The following MEGF6 variants were observed in gnomAD, a reference collection of about 807,000 sequenced individuals.
MEGF6 encodes the protein multiple epidermal growth factor-like domains protein 6.
A neutral mutation model predicts 207.1 loss-of-function variants in MEGF6; 184 were observed. That is an observed-to-expected ratio of 0.89 (90% CI 0.79 to 1.00). MEGF6 has a LOEUF of 1.00. MEGF6 is among the 50% of genes least tolerant of loss of function. The pLI, the probability that MEGF6 is intolerant of heterozygous loss-of-function variation, is 0.00. For missense variants in MEGF6, 2,282 were observed against 2,202.9 expected, an observed-to-expected ratio of 1.04 and a Z score of -0.72; for synonymous variants, 1,038 against 910.0, an observed-to-expected ratio of 1.14 and a Z score of -2.53.
intron 4 of MEGF6, among the ~76,000 whole-genome samples, chr1:3,570,394 A>G (rs1304325531): frequency 6.6e-6 from 1 of 152,196 alleles, no homozygotes; most frequent in Non-Finnish European, 1.5e-5. Flanking sequence ...CCAGGGACTC[A>G]GTGCAGTTAA....
intron 1 of MEGF6, among the ~76,000 whole-genome samples, chr1:3,604,379 G>C (rs1644210535): frequency 6.6e-6 from 1 of 152,188 alleles, no homozygotes. Context: ...GCCATAAGCA[G>C]GGTCCAGGTT....
intron 4 of MEGF6, among the ~76,000 whole-genome samples, chr1:3,537,550 G>A (rs758602057): frequency 3.3e-5 from 5 of 152,230 alleles, no homozygotes; most frequent in Non-Finnish European, 5.9e-5. Context: ...ACGAGTGGCC[G>A]GGGGGCACCG....
At chr1:3,591,856 GGGACCGGA>G (rs1643985273) in intron 3 of MEGF6, among the ~76,000 whole-genome samples, 2 of 136,658 alleles carry the variant, frequency 1.5e-5, no homozygotes, top group African/African-American at 2.7e-5. Flanking sequence ...TAGCTCACAA[GGGACCGGA>G]TGGGGGCACC....
At chr1:3,520,461 C>G (rs916821209) in intron 5 of MEGF6, among the ~76,000 whole-genome samples, 2 of 152,180 alleles carry the variant, frequency 1.3e-5, no homozygotes, top group African/African-American at 4.8e-5. Context: ...AAGGCAAGGG[C>G]GGGCTCAGGT....
intron 4 of MEGF6, among the ~76,000 whole-genome samples, chr1:3,546,221 C>T (rs139535088): frequency 1.3e-5 from 2 of 152,360 alleles, no homozygotes; most frequent in Non-Finnish European, 2.9e-5. Context: ...CTAATCTGTT[C>T]TCATCTCTCC....
At chr1:3,589,373 C>T (rs200077531) in intron 3 of MEGF6, among the ~76,000 whole-genome samples, 2 of 152,114 alleles carry the variant, frequency 1.3e-5, no homozygotes, top group African/African-American at 4.8e-5. Flanking sequence ...CTGCGCCCCC[C>T]ACCCCACGCC....
chr1:3,544,381 A>G (rs1642636709), intron 4 of MEGF6, among the ~76,000 whole-genome samples: 1 of 152,048 alleles, frequency 6.6e-6, no homozygotes, highest in Admixed American at 6.5e-5. Context: ...CACCGTCTGC[A>G]CCCTGTAACA....
At chr1:3,606,290 G>A (rs2101898193) in intron 1 of MEGF6, among the ~76,000 whole-genome samples, 1 of 152,320 alleles carries the variant, frequency 6.6e-6, no homozygotes, top group East Asian at 1.9e-4. Flanking sequence ...AGGACTCTGG[G>A]GGTGGGGCCC....
intron 3 of MEGF6, among the ~76,000 whole-genome samples, chr1:3,590,877 G>C (rs1015723956): frequency 6.6e-6 from 1 of 152,150 alleles, no homozygotes; most frequent in South Asian, 2.1e-4. Flanking sequence ...TGTAAAGAGC[G>C]AGCATCTGTC....
chr1:3,576,370 C>T (rs1377198434), intron 4 of MEGF6, among the ~76,000 whole-genome samples: 1 of 152,236 alleles, frequency 6.6e-6, no homozygotes, highest in East Asian at 1.9e-4. Context: ...CTTCCCCCCA[C>T]TGCCCTCCAT....
At chr1:3,510,420 C>A (rs1033810353) in intron 10 of MEGF6, among the ~76,000 whole-genome samples, 5 of 151,650 alleles carry the variant, frequency 3.3e-5, no homozygotes, top group African/African-American at 1.2e-4. Context: ...AGGGGCTCAA[C>A]CAACACCCAT....
At chr1:3,551,265 C>T (rs1441969270) in intron 4 of MEGF6, among the ~76,000 whole-genome samples, 1 of 152,200 alleles carries the variant, frequency 6.6e-6, no homozygotes. Flanking sequence ...CAGCTGGTGT[C>T]AGCCTGCTCC....
chr1:3,560,740 G>T lies in MEGF6; in HGVS notation c.481+19085C>A, dbSNP rs1419735630. On this transcript the variant is annotated intron_variant, in intron 4 of 36. Coordinates refer to ENST00000356575, the MANE Select transcript of MEGF6 (RefSeq NM_001409.4). The surrounding 1 kb of genome is among the most constrained non-coding windows in gnomAD (Gnocchi z 4.0). The stretch of plus-strand genomic sequence containing the variant: ...ACCAAGAGTGGGTCGCCTAGAAACG[G>T]TCAGACTGGCCCCACCCACTCTGGA... The T allele has an allele frequency of 1.1e-5, 5 of 468,832 alleles. No homozygotes were observed. The highest frequency in any genetic ancestry group is 2.2e-5 in the Non-Finnish European group (5 of 226,040). 29.0% of individuals were successfully genotyped at this position (468,832 alleles called of 1,614,324 possible). A position where few individuals can be genotyped will look rare whatever the true frequency, so the allele number is the denominator to read the frequency against.
chr1:3,542,738 G>C (rs1642571509), intron 4 of MEGF6, among the ~76,000 whole-genome samples: 1 of 152,246 alleles, frequency 6.6e-6, no homozygotes, highest in South Asian at 2.1e-4. Flanking sequence ...CAGAGTGGCA[G>C]AGCTACTCGC....
At chr1:3,557,642 C>T (rs538834870) in intron 4 of MEGF6, among the ~76,000 whole-genome samples, 6 of 152,370 alleles carry the variant, frequency 3.9e-5, no homozygotes, top group African/African-American at 1.4e-4. Flanking sequence ...AGGGCCCGCT[C>T]ATCCCTCGCT....
intron 3 of MEGF6, among the ~76,000 whole-genome samples, chr1:3,592,395 C>T (rs1345595492): frequency 6.6e-6 from 1 of 152,136 alleles, no homozygotes; most frequent in African/African-American, 2.4e-5. Context: ...CCGCAGTCCC[C>T]AGCACCACCC....
In MEGF6 at chr1:3,565,654, A is replaced by G. The variant is rs1345917186; in HGVS notation, c.481+14171T>C. On this transcript the variant is annotated intron_variant, in intron 4 of 36. Transcript: ENST00000356575. This position sits in a 1 kb window ranked among gnomAD's most constrained non-coding sequence, Gnocchi z 4.8. ...AGAACCTCCTGAATTGCCCAGTTAA[A>G]CAGAGTGGCATGGGGCTGTCCAGGA... 6.6e-6 allele frequency among the ~76,000 whole-genome samples: 1 copy of G among 152,102 alleles called. No homozygotes were observed. The highest frequency in any genetic ancestry group is 1.9e-4 in the East Asian group (1 of 5,178).
Position 3,557,626 on chromosome 1 carries a change from G to A in MEGF6, c.481+22199C>T, listed in dbSNP as rs1224575622. Among the ~76,000 whole-genome samples the A allele has an allele frequency of 2.6e-5, 4 of 152,336 alleles. 1 individual carries two copies. The highest frequency in any genetic ancestry group is 4.1e-4 in the South Asian group (2 of 4,832). ...ACCTTGGCACAGGCCACAGGGAGCC[G>A]GACACAGGGCCCGCTCATCCCTCGC... On this transcript the variant is annotated intron_variant, in intron 4 of 36. Coordinates refer to ENST00000356575, the MANE Select transcript of MEGF6 (RefSeq NM_001409.4).
chr1:3,576,368 C>G (rs1201139720), intron 4 of MEGF6, among the ~76,000 whole-genome samples: 5 of 152,344 alleles, frequency 3.3e-5, no homozygotes, highest in Admixed American at 2.0e-4. Flanking sequence ...TCCTTCCCCC[C>G]ACTGCCCTCC....
Sources: gnomAD v4.1 joint callset for allele counts (sites outside exome capture counted in the v4.1 genomes callset) on GRCh38, gnomAD v4.1.1 for gene constraint, Gnocchi (gnomAD v3.1) non-coding constraint, MANE v1.5 for transcripts, NCBI Gene and HGNC (gene_info 2026-07-23, HGNC 2026-07-21) for gene names.